The following DGKI variants were observed in gnomAD, a reference collection of about 807,000 sequenced individuals.
DGKI encodes DAG kinase iota.
Under a neutral mutation model 147.5 loss-of-function variants are expected in DGKI, and 55 were observed. The observed-to-expected ratio is 0.37, with a 90% CI of 0.30 to 0.47. DGKI has a LOEUF of 0.47. Ranked by LOEUF, DGKI falls within the 20% of genes least tolerant of loss-of-function variation. The probability of loss-of-function intolerance (pLI) is 1.00; values close to 1 mark genes in which losing one functional copy is unlikely to be tolerated. For missense variants in DGKI, 1,007 were observed against 1,323.8 expected (o/e 0.76, Z 3.71); for synonymous variants, 469 against 477.1 (o/e 0.98, Z 0.22).
intron 1 of DGKI, among the ~76,000 whole-genome samples, chr7:137,831,018 G>A (rs1420134559): frequency 1.3e-5 from 2 of 152,110 alleles, no homozygotes; most frequent in Non-Finnish European, 2.9e-5. Flanking sequence ...ACAAAAAGGA[G>A]GCAAGAAAGT....
intron 1 of DGKI, among the ~76,000 whole-genome samples, chr7:137,779,717 C>G (rs1302091720): frequency 6.6e-6 from 1 of 152,048 alleles, no homozygotes; most frequent in East Asian, 1.9e-4. Context: ...ACAAAACAGA[C>G]TAAGACAGTT....
chr7:137,394,823 G>A (rs1310961332), intron 32 of DGKI, among the ~76,000 whole-genome samples: 4 of 152,152 alleles, frequency 2.6e-5, no homozygotes, highest in East Asian at 1.9e-4. Context: ...TAAACAAACC[G>A]ATTTTGTTAT....
At chr7:137,490,700 G>A (rs1240940939) in intron 21 of DGKI, among the ~76,000 whole-genome samples, 1 of 152,202 alleles carries the variant, frequency 6.6e-6, no homozygotes, top group Non-Finnish European at 1.5e-5. Flanking sequence ...CAACTGCCAA[G>A]CTTCCTTGAC....
chr7:137,521,842 A>G, intron 21 of DGKI, 24 bp downstream of exon 21: 1 of 1,543,342 alleles, frequency 6.5e-7, no homozygotes, highest in Non-Finnish European at 9.0e-7. Flanking sequence ...ATCGCATGAA[A>G]TCAATGAGGC....
At position 137,387,892 on chromosome 7, in the gene DGKI, A is replaced by G. The variant is rs1811225932; in HGVS notation, c.*3328T>C. ...TATAAGGGGTCTAGTAAATAAATAA[A>G]TTTCAGAAATTCGTTAGGCAAAGGG... On this transcript the variant is annotated 3_prime_UTR_variant, in exon 33 of 33. Coordinates refer to ENST00000614521, the MANE Select transcript of DGKI (RefSeq NM_001321708.2). The G allele has an allele frequency of 6.6e-6, 1 of 152,182 alleles. No individual in the cohort carries two copies. Among genetic ancestry groups the G allele is most frequent in the Non-Finnish European group, 1.5e-5 (1 of 68,028 alleles). The allele number at this position is 152,182 out of a possible 1,614,324, so 9.4% of individuals were successfully genotyped here.
rs544782297 is a variant in DGKI at position 137,392,596 on chromosome 7, G to C, written c.3058-1260C>G. Among the ~76,000 whole-genome samples, 9 of 152,270 alleles carry C rather than the reference G, an allele frequency of 5.9e-5. No individual in the cohort carries two copies. The South Asian group carries it at 1.9e-3, about 32-fold the overall frequency. On this transcript the variant is annotated intron_variant, in intron 32 of 32. Transcript: ENST00000614521. The stretch of plus-strand genomic sequence containing the variant: ...GAGAGGACAAAAGGGAAGTAACAAT[G>C]GCTCTAGAATCTTTCTAAAATGTTA...
chr7:137,579,212 T>G (rs2128979937), intron 15 of DGKI, among the ~76,000 whole-genome samples: 1 of 152,186 alleles, frequency 6.6e-6, no homozygotes, highest in South Asian at 2.1e-4. Flanking sequence ...TGGCAAGTGA[T>G]CCATGAAGCC....
At chr7:137,534,242 G>C (rs1246091382) in intron 20 of DGKI, among the ~76,000 whole-genome samples, 2 of 152,030 alleles carry the variant, frequency 1.3e-5, no homozygotes. Context: ...TCTAGTACTG[G>C]AGTAAAAGTT....
intron 8 of DGKI, among the ~76,000 whole-genome samples, chr7:137,610,872 G>A (rs911600087): frequency 9.2e-5 from 14 of 152,078 alleles, no homozygotes; most frequent in African/African-American, 3.4e-4. Context: ...TGTGTTCACC[G>A]GGGATGAGGG....
In DGKI at chr7:137,708,882, T is replaced by C. The variant is rs371656847; in HGVS notation, c.402-18880A>G. 8.5e-5 allele frequency among the ~76,000 whole-genome samples: 13 copies of C among 152,316 alleles called. 1 individual carries two copies. The East Asian group carries it at 1.5e-3, about 18-fold the overall frequency. ...TTGAAGTGACCTCGAGTAGAAGCCATGAAGATGCAATTCAGTAAGCATATT... is the reference window on the plus strand; with the variant it reads ...TTGAAGTGACCTCGAGTAGAAGCCACGAAGATGCAATTCAGTAAGCATATT... On this transcript the variant is annotated intron_variant, in intron 1 of 32. Coordinates refer to ENST00000614521, the MANE Select transcript of DGKI (RefSeq NM_001321708.2).
intron 27 of DGKI, among the ~76,000 whole-genome samples, chr7:137,454,476 C>T (rs958932960): frequency 2.5e-4 from 38 of 151,938 alleles, no homozygotes; most frequent in African/African-American, 8.2e-4. Context: ...CGACAGTGGA[C>T]ACAGAAAAGA....
intron 20 of DGKI, among the ~76,000 whole-genome samples, chr7:137,528,321 C>T (rs1414606953): frequency 2.6e-5 from 4 of 152,130 alleles, no homozygotes; most frequent in Non-Finnish European, 5.9e-5. Flanking sequence ...TGGTAGATGT[C>T]CCCATCAAAA....
Position 137,552,548 on chromosome 7 carries a change from GC to G in DGKI, c.1967del (p.Gly656AlafsTer15), listed in dbSNP as rs1475158933. On this transcript the variant is annotated frameshift_variant, in exon 20 of 33. Coordinates refer to ENST00000614521, the MANE Select transcript of DGKI (RefSeq NM_001321708.2). LOFTEE classifies it high-confidence loss of function. ...MASLAALQVG[G>X]HGERLHQCRE... ...GACACTGGTGTAGCCTCTCTCCATG[GC>G]CCCCAACTTGCAGGGCTGCCTATAA... The G allele has an allele frequency of 6.2e-7, 1 of 1,614,066 alleles. No individual in the cohort carries two copies. Among genetic ancestry groups the G allele is most frequent in the Non-Finnish European group, 8.5e-7 (1 of 1,180,022 alleles).
At chr7:137,609,646 A>T in intron 8 of DGKI, 37 bp from the exon 9 acceptor site, 1 of 1,519,584 alleles carries the variant, frequency 6.6e-7, no homozygotes, top group Admixed American at 1.7e-5. Flanking sequence ...GCTCAGAGGC[A>T]GCCAGCCCAG....
At chr7:137,643,147 C>T (rs528917235) in intron 6 of DGKI, among the ~76,000 whole-genome samples, 150 of 151,606 alleles carry the variant, frequency 9.9e-4, no homozygotes, top group Non-Finnish European at 1.6e-3. Flanking sequence ...AAAAATTAGC[C>T]GGGCGTGTTG....
intron 21 of DGKI, among the ~76,000 whole-genome samples, chr7:137,520,925 C>T (rs574377092): frequency 6.6e-6 from 1 of 152,162 alleles, no homozygotes; most frequent in East Asian, 1.9e-4. Context: ...TCCTCTTTTA[C>T]ACAGGTAGCC....
chr7:137,663,106 C>A (rs1822502919), intron 3 of DGKI, among the ~76,000 whole-genome samples: 1 of 152,352 alleles, frequency 6.6e-6, no homozygotes, highest in Admixed American at 6.5e-5. Context: ...TTACTGCTGA[C>A]TTTTCCAGAA....
intron 19 of DGKI, among the ~76,000 whole-genome samples, chr7:137,561,499 T>C (rs1157506918): frequency 1.3e-5 from 2 of 152,176 alleles, no homozygotes; most frequent in African/African-American, 2.4e-5. Flanking sequence ...ATTTTAGTGT[T>C]CTATACCACT....
intron 1 of DGKI, among the ~76,000 whole-genome samples, chr7:137,775,983 C>T (rs1313113385): frequency 1.3e-5 from 2 of 151,970 alleles, no homozygotes; most frequent in Non-Finnish European, 2.9e-5. Flanking sequence ...TTCAGCCTCC[C>T]GAGTAGCTGG....
Sources: allele counts gnomAD v4.1 joint callset (sites outside exome capture counted in the v4.1 genomes callset), GRCh38; gene constraint gnomAD v4.1.1; transcripts MANE v1.5; gene names NCBI Gene and HGNC (gene_info 2026-07-23, HGNC 2026-07-21).